REXO4: variants seen among roughly 807,000 people sequenced by gnomAD.
REXO4 encodes the protein RNA exonuclease 4.
In REXO4, 29 loss-of-function variants were observed where a neutral mutation model predicts 39.9. The observed-to-expected ratio is 0.73, with a 90% CI of 0.54 to 0.99. The LOEUF (loss-of-function observed/expected upper bound fraction) is 0.99. REXO4 is among the 50% of genes least tolerant of loss of function. The pLI is 0.00. For synonymous variants in REXO4, 184 were observed against 206.2 expected (o/e 0.89, Z 0.92); for missense variants, 524 against 546.5 (o/e 0.96, Z 0.41).
chr9:133,414,903 G>A lies in REXO4; in HGVS notation c.334C>T (p.Pro112Ser), dbSNP rs782514055. ...GGCATCTCCTCTCCCTTCACTTGAG[G>A]CGAGGTCTCTTTTTTGTTTTGCTGG... The part of the protein sequence containing the change: ...IIQQNKKETS[P>S]QVKGEEMPAG... Residue 112 changes from proline (P) to serine (S), a missense_variant, in exon 2 of 8, where the codon CCT becomes TCT. By Grantham distance (74) the Pro-to-Ser change is moderately conservative. Transcript: ENST00000371942. 2.9e-5 allele frequency: 47 copies of A among 1,614,070 alleles called. 1 individual carries two copies. In the South Asian group the frequency reaches 4.9e-4, roughly 17 times the overall value.
chr9:133,416,387 C>A (rs1839602767), intron 1 of REXO4, among the ~76,000 whole-genome samples: 1 of 152,132 alleles, frequency 6.6e-6, no homozygotes, highest in Non-Finnish European at 1.5e-5. Flanking sequence ...CTACTTTTTA[C>A]TTTTATTTAG....
chr9:133,417,213 C>A (rs987251998), intron 1 of REXO4, among the ~76,000 whole-genome samples: 1 of 152,200 alleles, frequency 6.6e-6, no homozygotes, highest in Non-Finnish European at 1.5e-5. Flanking sequence ...CACGGGGTTT[C>A]ACCATGTTGG....
chr9:133,417,955 C>T lies in REXO4; in HGVS notation c.-111G>A. The stretch of plus-strand genomic sequence containing the variant: ...CCAGGCCAGGCCGAAACACACCCAC[C>T]GCAGGGACCCCGTCCAGGAAAAGAC... On this transcript the variant is annotated 5_prime_UTR_variant, in exon 1 of 8. Transcript: ENST00000371942. 2.0e-6 allele frequency: 2 copies of T among 977,450 alleles called. No homozygotes were observed. Among genetic ancestry groups the T allele is most frequent in the Non-Finnish European group, 3.0e-6 (2 of 675,016 alleles). 60.5% of individuals were successfully genotyped at this position (977,450 alleles called of 1,614,324 possible).
Position 133,407,808 on chromosome 9 carries a change from G to T in REXO4, c.1148C>A (p.Ser383Ter). 3.7e-6 allele frequency: 6 copies of T among 1,613,624 alleles called. No individual in the cohort carries two copies. Among genetic ancestry groups the T allele is most frequent in the East Asian group, 2.2e-5 (1 of 44,864 alleles). ...AACTACCCCACAGGACACACTTACTGAACAGTGCTCCGCCTGCTGGACCTG... is the reference window on the plus strand; with the variant it reads ...AACTACCCCACAGGACACACTTACTTAACAGTGCTCCGCCTGCTGGACCTG... Reference protein sequence around the residue: ...GLQVQQAEHCSIQDAQAAMRL... With the variant: ...GLQVQQAEHC The change falls in exon 7 of 8, where the codon TCA becomes TAA. Residue 383 changes from serine (S) to a stop codon, truncating the protein, a stop_gained and splice_region_variant. Coordinates refer to ENST00000371942, the MANE Select transcript of REXO4 (RefSeq NM_020385.4). LOFTEE classifies it low-confidence loss of function (END_TRUNC).
At chr9:133,412,187 C>T (rs1190049024) in intron 4 of REXO4, 112 bp downstream of exon 4, 11 of 1,084,688 alleles carry the variant, frequency 1.0e-5, no homozygotes, top group Admixed American at 5.6e-5. Context: ...GGAGACAAGA[C>T]GCATCAAAAC....
chr9:133,406,860 ACCAGAGTTGCCACTC>A lies in REXO4; in HGVS notation c.*78_*92del. The stretch of plus-strand genomic sequence containing the variant: ...TCTGCCATGATTCTGAAAAGGTTTC[ACCAGAGTTGCCACTC>A]TGGGGAGATGTGATCTGTCCCTGTG... On this transcript the variant is annotated 3_prime_UTR_variant, in exon 8 of 8. Coordinates refer to ENST00000371942, the MANE Select transcript of REXO4 (RefSeq NM_020385.4). 6.4e-7 allele frequency: 1 copy of A among 1,554,218 alleles called. No individual in the cohort carries two copies.
chr9:133,406,903 T>C lies in REXO4; in HGVS notation c.*50A>G. On this transcript the variant is annotated 3_prime_UTR_variant, in exon 8 of 8. Coordinates refer to ENST00000371942, the MANE Select transcript of REXO4 (RefSeq NM_020385.4). ...GGGAGATGTGATCTGTCCCTGTGAC[T>C]GGTCACATTGCCTCTGTAGCGGGGC... is the stretch of plus-strand genomic sequence containing the variant. The C allele has an allele frequency of 6.2e-7, 1 of 1,603,560 alleles. No homozygotes were observed. The highest frequency in any genetic ancestry group is 8.5e-7 in the Non-Finnish European group (1 of 1,179,520).
chr9:133,413,380 G>A (rs1564395807), intron 2 of REXO4, among the ~76,000 whole-genome samples: 2 of 152,146 alleles, frequency 1.3e-5, no homozygotes, highest in Non-Finnish European at 2.9e-5. Flanking sequence ...GGGATTACAG[G>A]TGTGAGTCAC....
At chr9:133,414,608 A>T in intron 2 of REXO4, 57 bp downstream of exon 2, 1 of 1,486,442 alleles carries the variant, frequency 6.7e-7, no homozygotes, top group Non-Finnish European at 9.4e-7. Flanking sequence ...ATAAGGAGAC[A>T]GGCCTTGGTG....
In REXO4 at chr9:133,411,001, A is replaced by C; in HGVS notation, c.983T>G (p.Leu328Arg). The change falls in exon 5 of 8, where the codon CTG (leucine) becomes CGG (arginine). Residue 328 changes from leucine to arginine, a missense_variant. Physicochemically the swap from Leu to Arg is moderately radical, Grantham distance 102 (BLOSUM62 -2). Coordinates refer to ENST00000371942, the MANE Select transcript of REXO4 (RefSeq NM_020385.4). ...LKGRILVGHA[L>R]HNDLKVLFLD... ...GCCCAGTACCTTTAGGTCATTATGC[A>C]GAGCGTGCCCCACTAGAATTCTGCC... 1 of 1,614,040 alleles carries C rather than the reference A, an allele frequency of 6.2e-7. No individual in the cohort carries two copies. Among genetic ancestry groups the C allele is most frequent in the South Asian group, 1.1e-5 (1 of 91,082 alleles).
At chr9:133,409,686 T>C (rs1408387169) in intron 5 of REXO4, among the ~76,000 whole-genome samples, 1 of 152,046 alleles carries the variant, frequency 6.6e-6, no homozygotes, top group Non-Finnish European at 1.5e-5. Context: ...CCCAGTCTCC[T>C]GAGTAGCTGG....
At chr9:133,415,152 A>C in intron 1 of REXO4, 141 bp from the exon 2 acceptor site, 2 of 688,822 alleles carry the variant, frequency 2.9e-6, no homozygotes, top group Non-Finnish European at 2.3e-6. Context: ...ACTGAAATTC[A>C]TTTTCAAACG....
chr9:133,417,376 T>C (rs1026872923), intron 1 of REXO4, among the ~76,000 whole-genome samples: 3 of 152,270 alleles, frequency 2.0e-5, no homozygotes, highest in Admixed American at 6.5e-5. Context: ...TAGTTCATTA[T>C]GCAAAAGGTA....
intron 5 of REXO4, 52 bp downstream of exon 5, chr9:133,410,933 G>T: frequency 7.3e-7 from 1 of 1,372,482 alleles, no homozygotes; most frequent in Non-Finnish European, 1.0e-6. Flanking sequence ...GGGCGTGAGT[G>T]TAACACCCAC....
rs1838916917 is a variant in REXO4, at chr9:133,407,041, T to C, written c.1181A>G (p.Tyr394Cys). ...CTCCCACTCCTTCTTCACCATGACGTACAGCCTCATTGCTGCCTGGGCATC... is the reference window on the plus strand; with the variant it reads ...CTCCCACTCCTTCTTCACCATGACGCACAGCCTCATTGCTGCCTGGGCATC... Reference protein sequence around the residue: ...IQDAQAAMRLYVMVKKEWESM... With the variant: ...IQDAQAAMRLCVMVKKEWESM... Residue 394 changes from tyrosine (Y) to cysteine (C), a missense_variant, in exon 8 of 8, where the codon TAC becomes TGC. Physicochemically the swap from Tyr to Cys is radical, Grantham distance 194 (BLOSUM62 -2). Coordinates refer to ENST00000371942, the MANE Select transcript of REXO4 (RefSeq NM_020385.4). 6.2e-7 allele frequency: 1 copy of C among 1,613,378 alleles called. No homozygotes were observed. Among genetic ancestry groups the C allele is most frequent in the Non-Finnish European group, 8.5e-7 (1 of 1,180,014 alleles).
Position 133,417,652 on chromosome 9 carries a change from C to T in REXO4, c.193G>A (p.Asp65Asn). 1 of 1,614,036 alleles carries T rather than the reference C, an allele frequency of 6.2e-7. No individual in the cohort carries two copies. The change falls in exon 1 of 8, where the codon GAC becomes AAC. Residue 65 changes from aspartate to asparagine, a missense_variant. Asp to Asn is a conservative substitution (Grantham distance 23). Coordinates refer to ENST00000371942, the MANE Select transcript of REXO4 (RefSeq NM_020385.4). ...AGCGCCTTCCAGTTTTGAGAAAAGT[C>T]TTCTGGTGCCTTTGGAGGTCGCACC... is the stretch of plus-strand genomic sequence containing the variant. ...AVVRPPKAPE[D>N]FSQNWKALQE...
intron 2 of REXO4, 112 bp from the exon 3 acceptor site, chr9:133,413,033 C>T (rs1234120918): frequency 1.7e-6 from 2 of 1,200,052 alleles, no homozygotes; most frequent in African/African-American, 3.0e-5. Context: ...GCCTGCCTCT[C>T]CCACAGGCTG....
intron 1 of REXO4, 103 bp downstream of exon 1, chr9:133,417,517 A>C: frequency 8.2e-7 from 1 of 1,218,694 alleles, no homozygotes; most frequent in Non-Finnish European, 1.2e-6. Flanking sequence ...TTCGATTCAA[A>C]TCTGCCTTTA....
rs782130974 is a variant in REXO4, at chr9:133,417,804, C to A, written c.41G>T (p.Ser14Ile). 3 of 1,607,066 alleles carry A rather than the reference C, an allele frequency of 1.9e-6. No homozygotes were observed. Among genetic ancestry groups the A allele is most frequent in the Middle Eastern group, 1.7e-4 (1 of 5,806 alleles). Residue 14 changes from serine to isoleucine, a missense_variant, in exon 1 of 8, where the codon AGC becomes ATC. Coordinates refer to ENST00000371942, the MANE Select transcript of REXO4 (RefSeq NM_020385.4). ...AKVPASKRAP[S>I]SPVAKPGPVK... is the part of the protein sequence containing the mutation. ...AGGACCCGGCTTAGCCACGGGGCTG[C>A]TCGGGGCGCGCTTGGAGGCGGGGAC...
Sources: gnomAD v4.1 joint callset for allele counts (sites outside exome capture counted in the v4.1 genomes callset) on GRCh38, gnomAD v4.1.1 for gene constraint, MANE v1.5 for transcripts, NCBI Gene and HGNC (gene_info 2026-07-23, HGNC 2026-07-21) for gene names.